Variants in CASZ1 observed in about 807,000 individuals in gnomAD.
CASZ1 encodes the protein castor zinc finger 1, also known as zinc finger protein castor homolog 1.
A neutral mutation model predicts 135.2 loss-of-function variants in CASZ1; 28 were observed. That is an observed-to-expected ratio of 0.21 (90% CI 0.15 to 0.28). The LOEUF (loss-of-function observed/expected upper bound fraction) is 0.28, where lower values mean the gene tolerates loss of function less well. CASZ1 is among the 10% of genes least tolerant of loss of function. CASZ1 has a pLI of 1.00. For synonymous variants in CASZ1, 1,068 were observed against 1,073.4 expected, an observed-to-expected ratio of 0.99 and a Z score of 0.10; for missense variants, 2,161 against 2,453.3, an observed-to-expected ratio of 0.88 and a Z score of 2.52.
rs1642050870 is a variant in CASZ1, at chr1:10,637,955, C to T, written c.*987G>A. On this transcript the variant is annotated 3_prime_UTR_variant, in exon 21 of 21. Coordinates refer to ENST00000377022, the MANE Select transcript of CASZ1 (RefSeq NM_001079843.3). The stretch of plus-strand genomic sequence containing the variant: ...CAAAATTCAAGTTAAGAGTTGGAAT[C>T]ACGCAGCTCCCATCAGTGCTATTGT... The T allele has an allele frequency of 6.6e-6, 1 of 152,324 alleles. No homozygotes were observed. Among genetic ancestry groups the T allele is most frequent in the South Asian group, 2.1e-4 (1 of 4,826 alleles). 9.4% of individuals were successfully genotyped at this position (152,324 alleles called of 1,614,324 possible).
chr1:10,662,313 C>A (rs542332545), intron 5 of CASZ1, among the ~76,000 whole-genome samples: 2 of 149,020 alleles, frequency 1.3e-5, no homozygotes, highest in Non-Finnish European at 3.0e-5. Flanking sequence ...CATTGACACC[C>A]ACCCACCCCC....
At chr1:10,655,472 C>T (rs1262891497) in intron 9 of CASZ1, among the ~76,000 whole-genome samples, 177 bp downstream of exon 9, 4 of 152,252 alleles carry the variant, frequency 2.6e-5, no homozygotes, top group Non-Finnish European at 5.9e-5. Flanking sequence ...AGCCTGAACC[C>T]CCAGGACCCT....
intron 1 of CASZ1, among the ~76,000 whole-genome samples, chr1:10,772,438 A>G (rs573782565): frequency 3.3e-5 from 5 of 152,314 alleles, no homozygotes; most frequent in East Asian, 1.9e-4. Flanking sequence ...CTGCGGGGGA[A>G]GGCTGAGGAT....
chr1:10,712,148 C>A lies in CASZ1; in HGVS notation c.-76-6604G>T, dbSNP rs563886663. Among the ~76,000 whole-genome samples, 12 of 152,120 alleles carry A rather than the reference C, an allele frequency of 7.9e-5. 1 individual carries two copies. Among genetic ancestry groups the A allele is most frequent in the Middle Eastern group, 3.4e-3 (1 of 294 alleles). On this transcript the variant is annotated intron_variant, in intron 2 of 20. Coordinates refer to ENST00000377022, the MANE Select transcript of CASZ1 (RefSeq NM_001079843.3). ...ATCACTTGAGGTCAGGAGTTGGAGA[C>A]CAGTCTGGCCAACATGATGAAACCC...
rs934677229 is a variant in CASZ1 at position 10,747,939 on chromosome 1, C to A, written c.-77+12762G>T. 3.9e-5 allele frequency among the ~76,000 whole-genome samples: 6 copies of A among 152,100 alleles called. No homozygotes were observed. Among genetic ancestry groups the A allele is most frequent in the African/African-American group, 1.4e-4 (6 of 41,408 alleles). ...TCACGCCATTCTCCTGCCTCAGCCT[C>A]CTAAGTAGCTGGGACTAGAGGCACC... On this transcript the variant is annotated intron_variant, in intron 2 of 20. Transcript: ENST00000377022. The surrounding 1 kb of genome is among the most constrained non-coding windows in gnomAD (Gnocchi z 4.3).
rs1009505777 is a variant in CASZ1, at chr1:10,699,598, G to T, written c.-23-5686C>A. Among the ~76,000 whole-genome samples, 3 of 152,332 alleles carry T rather than the reference G, an allele frequency of 2.0e-5. No homozygotes were observed. Among genetic ancestry groups the T allele is most frequent in the East Asian group, 3.9e-4 (2 of 5,190 alleles). On this transcript the variant is annotated intron_variant, in intron 3 of 20. Transcript: ENST00000377022. This position sits in a 1 kb window ranked among gnomAD's most constrained non-coding sequence, Gnocchi z 4.6. The stretch of plus-strand genomic sequence containing the variant: ...TTTAATTTGCCAGGCAGCCAGGAGT[G>T]CCAGCAGGGGAGGCACCCGCAAACA...
Position 10,774,521 on chromosome 1 carries a change from C to T in CASZ1, c.-233-13664G>A, listed in dbSNP as rs1057389356. Among the ~76,000 whole-genome samples, 3 of 149,084 alleles carry T rather than the reference C, an allele frequency of 2.0e-5. No individual in the cohort carries two copies. The highest frequency in any genetic ancestry group is 3.0e-5 in the Non-Finnish European group (2 of 67,126). ...TAGAGTCCTTTGCCTTCTGCACATT[C>T]TTTAAGCCCCGTGATCCCAAGAAAT... On this transcript the variant is annotated intron_variant, in intron 1 of 20. Coordinates refer to ENST00000377022, the MANE Select transcript of CASZ1 (RefSeq NM_001079843.3). The surrounding 1 kb of genome is among the most constrained non-coding windows in gnomAD (Gnocchi z 4.4).
chr1:10,789,882 C>G (rs1570595824), intron 1 of CASZ1, among the ~76,000 whole-genome samples: 1 of 152,188 alleles, frequency 6.6e-6, no homozygotes, highest in Non-Finnish European at 1.5e-5. Context: ...CTCTTAAACG[C>G]TTGATTAATT....
At chr1:10,715,731 G>A (rs1228522827) in intron 2 of CASZ1, among the ~76,000 whole-genome samples, 1 of 120,906 alleles carries the variant, frequency 8.3e-6, no homozygotes, top group African/African-American at 3.3e-5. Context: ...GCTCCCCACA[G>A]CACCCAATCC....
intron 4 of CASZ1, among the ~76,000 whole-genome samples, chr1:10,690,268 C>T (rs974998063): frequency 5.9e-5 from 9 of 152,204 alleles, no homozygotes; most frequent in African/African-American, 2.2e-4. Flanking sequence ...TGGCCTTGAC[C>T]TGGCAGCTCA....
At chr1:10,763,255 G>C (rs374147681) in intron 1 of CASZ1, among the ~76,000 whole-genome samples, 1 of 152,214 alleles carries the variant, frequency 6.6e-6, no homozygotes, top group Non-Finnish European at 1.5e-5. Flanking sequence ...CCATGGTGAA[G>C]AAGTGAGAAG....
In CASZ1 at chr1:10,767,576, G is replaced by T. The variant is rs1211909161; in HGVS notation, c.-233-6719C>A. The stretch of plus-strand genomic sequence containing the variant: ...GAGGTTTGGTCCACACCTGCTCGGA[G>T]ACCAGGCTTGGTGGCTCAGCCCTTT... On this transcript the variant is annotated intron_variant, in intron 1 of 20. Transcript: ENST00000377022. This position sits in a 1 kb window ranked among gnomAD's most constrained non-coding sequence, Gnocchi z 4.2. Among the ~76,000 whole-genome samples, 2 of 152,216 alleles carry T rather than the reference G, an allele frequency of 1.3e-5. No homozygotes were observed. The highest frequency in any genetic ancestry group is 1.3e-4 in the Admixed American group (2 of 15,278).
intron 1 of CASZ1, among the ~76,000 whole-genome samples, chr1:10,795,491 C>G (rs1029920860): frequency 1.3e-5 from 2 of 152,096 alleles, no homozygotes; most frequent in Non-Finnish European, 2.9e-5. Flanking sequence ...GCTGCAGAGC[C>G]CCCCCGGAGC....
chr1:10,693,809 G>A, intron 4 of CASZ1, 65 bp downstream of exon 4: 1 of 1,112,036 alleles, frequency 9.0e-7, no homozygotes, highest in Middle Eastern at 2.3e-4. Flanking sequence ...CTAAAAATAA[G>A]AACTTCCGTA....
rs896446106 is a variant in CASZ1 at position 10,697,076 on chromosome 1, T to C, written c.-23-3164A>G. ...AGGTAGCCACAGGCTGAGTGGGCCC[T>C]GCCCAAGAGGAAAAGGCCTTCAGTG... On this transcript the variant is annotated intron_variant, in intron 3 of 20. Coordinates refer to ENST00000377022, the MANE Select transcript of CASZ1 (RefSeq NM_001079843.3). This position sits in a 1 kb window ranked among gnomAD's most constrained non-coding sequence, Gnocchi z 4.7. Among the ~76,000 whole-genome samples, 1 of 152,204 alleles carries C rather than the reference T, an allele frequency of 6.6e-6. No individual in the cohort carries two copies. The highest frequency in any genetic ancestry group is 1.5e-5 in the Non-Finnish European group (1 of 68,034).
chr1:10,770,107 C>G (rs1316655905), intron 1 of CASZ1, among the ~76,000 whole-genome samples: 1 of 151,844 alleles, frequency 6.6e-6, no homozygotes, highest in Non-Finnish European at 1.5e-5. Context: ...TTTTTTGAGA[C>G]AGGGCCTGGC....
At position 10,679,348 on chromosome 1, in the gene CASZ1, G is replaced by A. The variant is rs956659963; in HGVS notation, c.17-13777C>T. On this transcript the variant is annotated intron_variant, in intron 4 of 20. Coordinates refer to ENST00000377022, the MANE Select transcript of CASZ1 (RefSeq NM_001079843.3). The surrounding 1 kb of genome is among the most constrained non-coding windows in gnomAD (Gnocchi z 4.7). ...GGAAGCGGTCCCTCTCCCAGCAGGC[G>A]GAAACACTCCCAACCCCGGACTTAG... Among the ~76,000 whole-genome samples the A allele has an allele frequency of 6.6e-6, 1 of 152,146 alleles. No individual in the cohort carries two copies. The highest frequency in any genetic ancestry group is 2.4e-5 in the African/African-American group (1 of 41,424).
chr1:10,641,458 T>A (rs1046076319), intron 20 of CASZ1, among the ~76,000 whole-genome samples: 3 of 151,466 alleles, frequency 2.0e-5, no homozygotes, highest in African/African-American at 7.3e-5. Flanking sequence ...GCAGATGCCA[T>A]CCCGGTGGGT....
chr1:10,791,294 C>T (rs940860204), intron 1 of CASZ1, among the ~76,000 whole-genome samples: 12 of 152,204 alleles, frequency 7.9e-5, no homozygotes, highest in African/African-American at 2.4e-4. Flanking sequence ...TCGGAGAAAG[C>T]GGAAGCTGAA....
Sources: gnomAD v4.1 joint callset for allele counts (sites outside exome capture counted in the v4.1 genomes callset) on GRCh38, gnomAD v4.1.1 for gene constraint, Gnocchi (gnomAD v3.1) non-coding constraint, MANE v1.5 for transcripts, NCBI Gene and HGNC (gene_info 2026-07-23, HGNC 2026-07-21) for gene names.